Variants in RBM18 observed in about 807,000 individuals in gnomAD.
RBM18 encodes the protein probable RNA-binding protein 18.
In RBM18, 18 loss-of-function variants were observed where a neutral mutation model predicts 26.4. The ratio of observed to expected loss-of-function variants is 0.68; its 90% CI spans 0.47 to 1.01. The LOEUF is 1.01. Ranked by LOEUF, RBM18 falls within the 50% of genes least tolerant of loss-of-function variation. The pLI, the probability that RBM18 is intolerant of heterozygous loss-of-function variation, is 0.00. For missense variants in RBM18, 180 were observed against 219.2 expected (o/e 0.82, Z 1.13); for synonymous variants, 74 against 81.1 (o/e 0.91, Z 0.47).
At chr9:122,262,693 C>T (rs1831824560) in intron 1 of RBM18, among the ~76,000 whole-genome samples, 1 of 152,150 alleles carries the variant, frequency 6.6e-6, no homozygotes, top group Non-Finnish European at 1.5e-5. Context: ...AAGCAATTCT[C>T]ATGCCTCAGC....
chr9:122,243,924 A>G lies in RBM18; in HGVS notation c.413+1332T>C, dbSNP rs1192696876. The G allele has an allele frequency of 6.3e-6, 6 of 946,426 alleles. No individual in the cohort carries two copies. In the African/African-American group the frequency reaches 1.1e-4, roughly 17 times the overall value. The allele number at this position is 946,426 out of a possible 1,614,324, so 58.6% of individuals were successfully genotyped here. A position where few individuals can be genotyped will look rare whatever the true frequency, so the allele number is the denominator to read the frequency against. On this transcript the variant is annotated intron_variant, in intron 5 of 5. Transcript: ENST00000417201. Reference sequence around the variant, plus strand: ...GCTATCTTGTAAACAAGTGGCATATACAAATCATAAGAAACTAAAGACATG... The same window carrying G: ...GCTATCTTGTAAACAAGTGGCATATGCAAATCATAAGAAACTAAAGACATG...
In RBM18 at chr9:122,240,592, A is replaced by G. The variant is rs1480927651; in HGVS notation, c.*1292T>C. The G allele has an allele frequency of 6.6e-6, 1 of 152,224 alleles. No homozygotes were observed. Among genetic ancestry groups the G allele is most frequent in the Non-Finnish European group, 1.5e-5 (1 of 68,026 alleles). The allele number at this position is 152,224 out of a possible 1,614,324, so 9.4% of individuals were successfully genotyped here. Reference sequence around the variant, plus strand: ...CACCTGGAGTAACAAAGTGATACATACCTGGTAAAGGAGCAAAGGTGCTGC... The same window carrying G: ...CACCTGGAGTAACAAAGTGATACATGCCTGGTAAAGGAGCAAAGGTGCTGC... On this transcript the variant is annotated 3_prime_UTR_variant, in exon 6 of 6. Coordinates refer to ENST00000417201, the MANE Select transcript of RBM18 (RefSeq NM_033117.4).
chr9:122,264,326 G>C (rs1426661671), intron 1 of RBM18, among the ~76,000 whole-genome samples: 1 of 152,226 alleles, frequency 6.6e-6, no homozygotes, highest in Non-Finnish European at 1.5e-5. Context: ...GATCAAGACG[G>C]CACGGGACTA....
intron 2 of RBM18, among the ~76,000 whole-genome samples, chr9:122,258,351 C>G (rs1285354464): frequency 1.3e-5 from 2 of 151,098 alleles, no homozygotes; most frequent in Non-Finnish European, 3.0e-5. Context: ...TCACTGCAAC[C>G]TCTGCCCTCC....
At chr9:122,263,096 C>T (rs1348611520) in intron 1 of RBM18, among the ~76,000 whole-genome samples, 3 of 152,152 alleles carry the variant, frequency 2.0e-5, no homozygotes, top group Non-Finnish European at 4.4e-5. Context: ...CCAGAAGTAC[C>T]TCAGAGGTCA....
chr9:122,255,857 A>G (rs1000583539), intron 2 of RBM18, among the ~76,000 whole-genome samples: 1 of 152,060 alleles, frequency 6.6e-6, no homozygotes, highest in Non-Finnish European at 1.5e-5. Flanking sequence ...AAATTAGCTG[A>G]GTGTGGTGGC....
At chr9:122,256,686 C>T (rs1293686435) in intron 2 of RBM18, among the ~76,000 whole-genome samples, 1 of 151,842 alleles carries the variant, frequency 6.6e-6, no homozygotes, top group Non-Finnish European at 1.5e-5. Context: ...AATATTTGTG[C>T]AAAAAAACAC....
chr9:122,248,029 G>A (rs894873573), intron 3 of RBM18, among the ~76,000 whole-genome samples: 14 of 151,996 alleles, frequency 9.2e-5, no homozygotes, highest in South Asian at 4.1e-4. Flanking sequence ...TTAATGATCC[G>A]CCCCCTCGGC....
At chr9:122,255,559 A>C (rs1831679281) in intron 2 of RBM18, among the ~76,000 whole-genome samples, 1 of 152,138 alleles carries the variant, frequency 6.6e-6, no homozygotes. Context: ...CCCTCTGGTC[A>C]GGGGGAACAA....
At position 122,237,628 on chromosome 9, in the gene RBM18, GC is replaced by G. The variant is rs1212198844; in HGVS notation, c.*4255del. Reference sequence around the variant, plus strand: ...CATTGACTAAGAAACAATATTCGGTGCACATCATTCTGACATCTGTTGCTTT... The same window carrying G: ...CATTGACTAAGAAACAATATTCGGTGACATCATTCTGACATCTGTTGCTTT... On this transcript the variant is annotated 3_prime_UTR_variant, in exon 6 of 6. Coordinates refer to ENST00000417201, the MANE Select transcript of RBM18 (RefSeq NM_033117.4). 1.3e-5 allele frequency: 2 copies of G among 152,242 alleles called. No individual in the cohort carries two copies. Among genetic ancestry groups the G allele is most frequent in the Non-Finnish European group, 2.9e-5 (2 of 68,048 alleles). The allele number at this position is 152,242 out of a possible 1,614,324, so 9.4% of individuals were successfully genotyped here.
intron 4 of RBM18, among the ~76,000 whole-genome samples, chr9:122,246,548 G>A (rs771196212): frequency 6.6e-6 from 1 of 152,176 alleles, no homozygotes; most frequent in African/African-American, 2.4e-5. Context: ...AATTCTCCTT[G>A]TTGTTTCTAT....
At chr9:122,251,093 A>T (rs1831596561) in intron 3 of RBM18, among the ~76,000 whole-genome samples, 1 of 151,538 alleles carries the variant, frequency 6.6e-6, no homozygotes, top group South Asian at 2.1e-4. Context: ...AATTAAAAAA[A>T]TTTTTTTTAG....
At chr9:122,256,988 G>T (rs1218865645) in intron 2 of RBM18, among the ~76,000 whole-genome samples, 1 of 152,158 alleles carries the variant, frequency 6.6e-6, no homozygotes, top group Non-Finnish European at 1.5e-5. Flanking sequence ...AAACAAGAAT[G>T]CATCATCACT....
In RBM18 at chr9:122,247,632, T is replaced by C. The variant is rs369301073; in HGVS notation, c.241-28A>G. On this transcript the variant is annotated intron_variant, in intron 3 of 5. Coordinates refer to ENST00000417201, the MANE Select transcript of RBM18 (RefSeq NM_033117.4). ...GTCCAGGAAAGGGACAAATGTTAGT[T>C]AAAAACTGAAATGCTTAACTAGCTA... The C allele has an allele frequency of 1.2e-5, 19 of 1,577,026 alleles. No homozygotes were observed. In the African/African-American group the frequency reaches 2.3e-4, roughly 19 times the overall value.
At chr9:122,254,292 T>C (rs928932282) in intron 2 of RBM18, 1 of 945,640 alleles carries the variant, frequency 1.1e-6, no homozygotes, top group Non-Finnish European at 1.3e-6. Context: ...TCCAGGAACA[T>C]CTGCTTAGGT....
rs1831412447 is a variant in RBM18, at chr9:122,241,227, T to G, written c.*657A>C. 6.6e-6 allele frequency: 1 copy of G among 152,238 alleles called. No individual in the cohort carries two copies. Among genetic ancestry groups the G allele is most frequent in the South Asian group, 2.1e-4 (1 of 4,834 alleles). 9.4% of individuals were successfully genotyped at this position (152,238 alleles called of 1,614,324 possible). Reference sequence around the variant, plus strand: ...TGTGTTGTGGTATAAAATGTTAAATTTGATTCTAGTTTTGTCAACACAAAC... The same window carrying G: ...TGTGTTGTGGTATAAAATGTTAAATGTGATTCTAGTTTTGTCAACACAAAC... On this transcript the variant is annotated 3_prime_UTR_variant, in exon 6 of 6. Transcript: ENST00000417201.
At chr9:122,254,225 G>T in intron 2 of RBM18, 1 of 341,356 alleles carries the variant, frequency 2.9e-6, no homozygotes, top group Non-Finnish European at 4.1e-6. Flanking sequence ...ACCAACAAAA[G>T]ATTACTCTTT....
chr9:122,262,266 G>T (rs1173344735), intron 1 of RBM18, among the ~76,000 whole-genome samples: 1 of 151,532 alleles, frequency 6.6e-6, no homozygotes, highest in Non-Finnish European at 1.5e-5. Flanking sequence ...TCCACCATTT[G>T]CTAGCTATGT....
chr9:122,248,868 AT>A (rs2118958118), intron 3 of RBM18, among the ~76,000 whole-genome samples: 1 of 152,330 alleles, frequency 6.6e-6, no homozygotes, highest in South Asian at 2.1e-4. Flanking sequence ...TTTACTGGTG[AT>A]TCTCTTGTTC....
Sources: gnomAD v4.1 joint callset for allele counts (sites outside exome capture counted in the v4.1 genomes callset) on GRCh38, gnomAD v4.1.1 for gene constraint, MANE v1.5 for transcripts, NCBI Gene and HGNC (gene_info 2026-07-23, HGNC 2026-07-21) for gene names.